The following HERC4 variants were observed in gnomAD, a reference collection of about 807,000 sequenced individuals.
HERC4 encodes the protein probable E3 ubiquitin-protein ligase HERC4.
HERC4 carries 28 observed loss-of-function variants against 124.3 expected under a neutral mutation model. That is an observed-to-expected ratio of 0.23 (90% CI 0.17 to 0.31). The LOEUF (loss-of-function observed/expected upper bound fraction) is 0.31, where lower values mean the gene tolerates loss of function less well. Ranked by LOEUF, HERC4 falls within the 10% of genes least tolerant of loss-of-function variation. The probability of loss-of-function intolerance (pLI) is 1.00; values close to 1 mark genes in which losing one functional copy is unlikely to be tolerated. For synonymous variants in HERC4, 407 were observed against 421.5 expected (o/e 0.97, Z 0.42); for missense variants, 713 against 1,229.3 (o/e 0.58, Z 6.28).
intron 15 of HERC4, among the ~76,000 whole-genome samples, chr10:67,967,521 A>G (rs180854681): frequency 8.5e-5 from 13 of 152,292 alleles, no homozygotes; most frequent in Admixed American, 3.3e-4. Flanking sequence ...TTAGAAGGTG[A>G]TATCTGGACA....
chr10:67,987,025 A>G (rs2132713452), intron 15 of HERC4, among the ~76,000 whole-genome samples: 1 of 152,306 alleles, frequency 6.6e-6, no homozygotes, highest in East Asian at 1.9e-4. Context: ...AAATATATCT[A>G]GAGTATTCAC....
intron 7 of HERC4, among the ~76,000 whole-genome samples, chr10:68,026,892 C>T (rs2038931388): frequency 1.3e-5 from 2 of 152,032 alleles, no homozygotes; most frequent in African/African-American, 4.8e-5. Flanking sequence ...GTTCCATCTA[C>T]TTTGGACGCT....
At chr10:67,983,530 A>C (rs536078798) in intron 15 of HERC4, among the ~76,000 whole-genome samples, 1 of 152,260 alleles carries the variant, frequency 6.6e-6, no homozygotes, top group East Asian at 1.9e-4. Context: ...CTGTAATCCC[A>C]GCACTTTGGG....
rs200818594 is a variant in HERC4, at chr10:67,996,208, G to C, written c.1070-3526C>G. ...TGTAGTCTGAGCCCAAGAGGTCGAG[G>C]GTGGAGTGAGCTGTGATCACGCCAC... On this transcript the variant is annotated intron_variant, in intron 9 of 24. Transcript: ENST00000373700. 5 of 415,516 alleles carry C rather than the reference G, an allele frequency of 1.2e-5. No individual in the cohort carries two copies. In the East Asian group the frequency reaches 3.3e-4, roughly 27 times the overall value. 25.7% of individuals were successfully genotyped at this position (415,516 alleles called of 1,614,324 possible). A position where few individuals can be genotyped will look rare whatever the true frequency, so the allele number is the denominator to read the frequency against.
At chr10:67,932,192 C>T (rs1198213285) in intron 23 of HERC4, among the ~76,000 whole-genome samples, 1 of 152,004 alleles carries the variant, frequency 6.6e-6, no homozygotes, top group Non-Finnish European at 1.5e-5. Flanking sequence ...CCTGACCTCA[C>T]GTGATCCATC....
intron 3 of HERC4, chr10:68,067,213 G>A (rs1399910275): frequency 6.6e-6 from 1 of 152,578 alleles, no homozygotes; most frequent in Non-Finnish European, 1.5e-5. Context: ...CTCAGATGTA[G>A]GGTCCTACAC....
At chr10:68,044,939 T>C (rs557217997) in intron 3 of HERC4, among the ~76,000 whole-genome samples, 1 of 152,310 alleles carries the variant, frequency 6.6e-6, no homozygotes, top group South Asian at 2.1e-4. Context: ...AGAAATCATT[T>C]AAATAACCTG....
At chr10:67,948,588 G>C (rs927429321) in intron 19 of HERC4, among the ~76,000 whole-genome samples, 3 of 152,120 alleles carry the variant, frequency 2.0e-5, no homozygotes, top group African/African-American at 7.2e-5. Flanking sequence ...AGGTAAACTA[G>C]TACAACCACT....
chr10:68,018,714 G>T (rs572388359), intron 8 of HERC4, among the ~76,000 whole-genome samples: 1 of 151,980 alleles, frequency 6.6e-6, no homozygotes, highest in Non-Finnish European at 1.5e-5. Context: ...CATTAAAGAC[G>T]CACCTAGGAA....
intron 19 of HERC4, among the ~76,000 whole-genome samples, chr10:67,953,023 T>C (rs1252878602): frequency 6.6e-6 from 1 of 151,966 alleles, no homozygotes; most frequent in Non-Finnish European, 1.5e-5. Context: ...ACCAGGAAAA[T>C]TACTTTGGTA....
chr10:67,952,772 C>A (rs1415432631), intron 19 of HERC4, among the ~76,000 whole-genome samples: 1 of 151,582 alleles, frequency 6.6e-6, no homozygotes, highest in Non-Finnish European at 1.5e-5. Context: ...TGGTGGCAGG[C>A]GCCTGTAGTC....
chr10:68,003,162 CTT>C (rs61552989), intron 9 of HERC4, among the ~76,000 whole-genome samples: 12 of 145,980 alleles, frequency 8.2e-5, no homozygotes, highest in Non-Finnish European at 1.1e-4. Context: ...TATTTTTATA[CTT>C]TTTTTTTTTT....
intron 15 of HERC4, among the ~76,000 whole-genome samples, chr10:67,969,201 A>G (rs1045563027): frequency 6.6e-6 from 1 of 152,252 alleles, no homozygotes; most frequent in Non-Finnish European, 1.5e-5. Context: ...AAGACAACCA[A>G]GTAGCCTGAA....
intron 9 of HERC4, among the ~76,000 whole-genome samples, chr10:67,998,905 A>G (rs2037063270): frequency 1.3e-5 from 2 of 152,036 alleles, no homozygotes; most frequent in Non-Finnish European, 2.9e-5. Flanking sequence ...ATGCCTGGCT[A>G]ATTTTTATAT....
chr10:68,036,840 T>A (rs1384127266), intron 5 of HERC4, among the ~76,000 whole-genome samples: 1 of 152,192 alleles, frequency 6.6e-6, no homozygotes, highest in African/African-American at 2.4e-5. Flanking sequence ...ACCAATTATA[T>A]CAATTAGAAA....
chr10:67,991,907 T>TA (rs1564519503), intron 11 of HERC4, among the ~76,000 whole-genome samples: 1 of 151,716 alleles, frequency 6.6e-6, no homozygotes, highest in Non-Finnish European at 1.5e-5. Context: ...CCATGGATAT[T>TA]TTTTTTTGGA....
intron 9 of HERC4, among the ~76,000 whole-genome samples, chr10:67,999,370 A>G (rs1295003282): frequency 6.6e-6 from 1 of 152,192 alleles, no homozygotes; most frequent in Non-Finnish European, 1.5e-5. Context: ...TATTAACCAG[A>G]GCAGTTTTTG....
At chr10:68,018,994 T>C (rs966764676) in intron 8 of HERC4, among the ~76,000 whole-genome samples, 24 of 42,362 alleles carry the variant, frequency 5.7e-4, no homozygotes, top group Non-Finnish European at 1.5e-4. Flanking sequence ...GCATTCTTTC[T>C]TTTTTTTTTT....
At chr10:68,017,338 C>A (rs1434663063) in intron 8 of HERC4, among the ~76,000 whole-genome samples, 2 of 152,168 alleles carry the variant, frequency 1.3e-5, no homozygotes. Flanking sequence ...AATCTCTAGC[C>A]TAAATAAAAG....
Sources: gnomAD v4.1 joint callset for allele counts (sites outside exome capture counted in the v4.1 genomes callset) on GRCh38, gnomAD v4.1.1 for gene constraint, MANE v1.5 for transcripts, NCBI Gene and HGNC (gene_info 2026-07-23, HGNC 2026-07-21) for gene names.